CALN1: variants seen among roughly 807,000 people sequenced by gnomAD.
The protein encoded by CALN1 is calneuron 1.
A neutral mutation model predicts 30.6 loss-of-function variants in CALN1; 17 were observed. The ratio of observed to expected loss-of-function variants is 0.56; its 90% CI spans 0.38 to 0.83. The LOEUF (loss-of-function observed/expected upper bound fraction) is 0.83, where lower values mean the gene tolerates loss of function less well. Among genes scored for constraint, CALN1 ranks in the 40% least tolerant of loss-of-function variants. CALN1 has a pLI of 0.00. For missense variants in CALN1, 291 were observed against 354.9 expected (o/e 0.82, Z 1.45); for synonymous variants, 156 against 131.4 (o/e 1.19, Z -1.28).
intron 4 of CALN1, among the ~76,000 whole-genome samples, chr7:72,073,398 A>C (rs1170119325): frequency 5.9e-5 from 9 of 152,186 alleles, no homozygotes; most frequent in Non-Finnish European, 1.2e-4. Flanking sequence ...ACAATGGTAA[A>C]ATTTATATTA....
intron 3 of CALN1, among the ~76,000 whole-genome samples, chr7:72,264,046 C>A (rs1411525078): frequency 6.6e-6 from 1 of 152,154 alleles, no homozygotes; most frequent in African/African-American, 2.4e-5. Context: ...ATAAACCAAA[C>A]CAAAATGGAG....
chr7:72,352,486 TAAG>T (rs922972432), intron 2 of CALN1, among the ~76,000 whole-genome samples: 2 of 150,066 alleles, frequency 1.3e-5, no homozygotes, highest in Admixed American at 6.6e-5. Flanking sequence ...AAATCAGTAA[TAAG>T]AAGACACCTT....
chr7:71,935,109 A>G (rs1795760695), intron 5 of CALN1, among the ~76,000 whole-genome samples: 1 of 152,148 alleles, frequency 6.6e-6, no homozygotes, highest in Non-Finnish European at 1.5e-5. Context: ...GGGGACACAT[A>G]TCCAAACTGT....
At chr7:72,423,835 G>A (rs1342307514) in intron 1 of CALN1, among the ~76,000 whole-genome samples, 1 of 142,658 alleles carries the variant, frequency 7.0e-6, no homozygotes, top group Admixed American at 7.2e-5. Flanking sequence ...AAGAGAGAGA[G>A]ACAAAGAAAT....
chr7:72,375,049 A>G (rs1290190846), intron 2 of CALN1, among the ~76,000 whole-genome samples: 1 of 152,136 alleles, frequency 6.6e-6, no homozygotes, highest in Admixed American at 6.5e-5. Flanking sequence ...TCCAGATTGG[A>G]AAAAAAGATT....
intron 4 of CALN1, among the ~76,000 whole-genome samples, chr7:72,088,455 T>TA (rs946648064): frequency 2.6e-5 from 4 of 152,174 alleles, no homozygotes; most frequent in South Asian, 4.2e-4. Flanking sequence ...TCCCAGCACT[T>TA]AGAGAGGCCC....
chr7:72,232,450 C>CA (rs61226929), intron 3 of CALN1, among the ~76,000 whole-genome samples: 28,668 of 152,006 alleles, frequency 0.19, 3,750 homozygotes, highest in East Asian at 0.43. Flanking sequence ...AGAAAGCTTT[C>CA]AAAAAAATTT....
intron 4 of CALN1, among the ~76,000 whole-genome samples, chr7:72,033,429 G>C (rs1367569707): frequency 1.3e-5 from 2 of 152,242 alleles, no homozygotes; most frequent in African/African-American, 4.8e-5. Flanking sequence ...GCGCAGCTTA[G>C]CTTCCAGGGG....
intron 1 of CALN1, among the ~76,000 whole-genome samples, chr7:72,406,250 G>A (rs1329999936): frequency 6.6e-6 from 1 of 152,076 alleles, no homozygotes; most frequent in Non-Finnish European, 1.5e-5. Context: ...AACCACCGTC[G>A]GCCAACTAAT....
At chr7:72,348,919 A>G (rs185530366) in intron 2 of CALN1, among the ~76,000 whole-genome samples, 137 of 152,346 alleles carry the variant, frequency 9.0e-4, no homozygotes, top group African/African-American at 3.2e-3. Context: ...AGAAGGAAAA[A>G]TAACAATGGC....
At chr7:72,437,073 C>CAAAA (rs5884890) in intron 1 of CALN1, among the ~76,000 whole-genome samples, 1 of 138,564 alleles carries the variant, frequency 7.2e-6, no homozygotes. Context: ...GACCCTGTCT[C>CAAAA]AAAAAAAAAA....
In CALN1 at chr7:72,261,495, G is replaced by T. The variant is rs760043805; in HGVS notation, c.244+17191C>A. On this transcript the variant is annotated intron_variant, in intron 3 of 6. Coordinates refer to ENST00000395275, the MANE Select transcript of CALN1 (RefSeq NM_031468.4). ...GTGCAGTGGCTGGAGTGCGATCATAGCTCACTGCAGCCTCAAAGTCCTGGG... is the reference window on the plus strand; with the variant it reads ...GTGCAGTGGCTGGAGTGCGATCATATCTCACTGCAGCCTCAAAGTCCTGGG... Among the ~76,000 whole-genome samples the T allele has an allele frequency of 8.6e-5, 13 of 151,478 alleles. 1 individual carries two copies. Among genetic ancestry groups the T allele is most frequent in the African/African-American group, 2.7e-4 (11 of 41,126 alleles).
At chr7:71,926,656 G>A (rs1028194023) in intron 5 of CALN1, among the ~76,000 whole-genome samples, 26 of 151,942 alleles carry the variant, frequency 1.7e-4, no homozygotes, top group Admixed American at 1.3e-4. Flanking sequence ...ATATTAGCCC[G>A]TTGATCTTGG....
chr7:71,977,329 G>A (rs893130125), intron 5 of CALN1, among the ~76,000 whole-genome samples: 1 of 152,114 alleles, frequency 6.6e-6, no homozygotes, highest in African/African-American at 2.4e-5. Context: ...CAGGAACTTG[G>A]GAGGCTGAGG....
chr7:72,193,957 G>T (rs1182579169), intron 3 of CALN1, among the ~76,000 whole-genome samples: 1 of 152,030 alleles, frequency 6.6e-6, no homozygotes, highest in East Asian at 1.9e-4. Context: ...GGACTTGGGG[G>T]AAAGGGTGGG....
At chr7:72,275,979 A>T (rs1339174911) in intron 3 of CALN1, among the ~76,000 whole-genome samples, 2 of 152,186 alleles carry the variant, frequency 1.3e-5, no homozygotes, top group African/African-American at 4.8e-5. Flanking sequence ...CAGTGAAAAA[A>T]GCCATTGCAC....
chr7:72,043,141 G>C (rs1802235284), intron 4 of CALN1, among the ~76,000 whole-genome samples: 1 of 152,210 alleles, frequency 6.6e-6, no homozygotes, highest in Non-Finnish European at 1.5e-5. Context: ...ACTCTGTGCA[G>C]TGCAAGGGTG....
In CALN1 at chr7:71,934,438, C is replaced by G. The variant is rs78886676; in HGVS notation, c.501+89219G>C. Among the ~76,000 whole-genome samples, 1,494 of 152,158 alleles carry G rather than the reference C, an allele frequency of 9.8e-3. 29 individuals are homozygous for G. Among genetic ancestry groups the G allele is most frequent in the African/African-American group, 0.034 (1,406 of 41,518 alleles). On this transcript the variant is annotated intron_variant, in intron 5 of 6. Transcript: ENST00000395275. ...TTGGCTCATGGTTCTGCAGGATGTACAAGCATGGTGCCTGTATCTACTTGG... is the reference window on the plus strand; with the variant it reads ...TTGGCTCATGGTTCTGCAGGATGTAGAAGCATGGTGCCTGTATCTACTTGG...
At chr7:72,330,163 G>GGC (rs1801566330) in intron 2 of CALN1, among the ~76,000 whole-genome samples, 1 of 151,432 alleles carries the variant, frequency 6.6e-6, no homozygotes, top group South Asian at 2.1e-4. Flanking sequence ...CGTGGTGGCG[G>GGC]GCGCCTGTAA....
Sources: gnomAD v4.1 joint callset for allele counts (sites outside exome capture counted in the v4.1 genomes callset) on GRCh38, gnomAD v4.1.1 for gene constraint, MANE v1.5 for transcripts, NCBI Gene and HGNC (gene_info 2026-07-23, HGNC 2026-07-21) for gene names.